TTLL5: variants seen among roughly 807,000 people sequenced by gnomAD.
TTLL5 encodes tubulin polyglutamylase TTLL5.
In TTLL5, 132 loss-of-function variants were observed where a neutral mutation model predicts 168.4. The ratio of observed to expected loss-of-function variants is 0.78; its 90% CI spans 0.68 to 0.91. The LOEUF (loss-of-function observed/expected upper bound fraction) is 0.91, where lower values mean the gene tolerates loss of function less well. TTLL5 is among the 40% of genes least tolerant of loss of function. The pLI, the probability that TTLL5 is intolerant of heterozygous loss-of-function variation, is 0.00. For synonymous variants in TTLL5, 546 were observed against 558.6 expected, an observed-to-expected ratio of 0.98 and a Z score of 0.32; for missense variants, 1,545 against 1,581.5, an observed-to-expected ratio of 0.98 and a Z score of 0.39.
intron 5 of TTLL5, among the ~76,000 whole-genome samples, chr14:75,688,112 C>T (rs1885203651): frequency 6.6e-6 from 1 of 152,164 alleles, no homozygotes; most frequent in African/African-American, 2.4e-5. Context: ...CTTTTATATA[C>T]TAATGACTTA....
chr14:75,949,984 TTATACTCC>T (rs1404248907), intron 31 of TTLL5, among the ~76,000 whole-genome samples: 9 of 152,214 alleles, frequency 5.9e-5, no homozygotes, highest in African/African-American at 1.9e-4. Context: ...AGAAGAACCC[TTATACTCC>T]TATAAAGAAT....
At chr14:75,734,377 T>C (rs917087888) in intron 14 of TTLL5, among the ~76,000 whole-genome samples, 2 of 152,200 alleles carry the variant, frequency 1.3e-5, no homozygotes, top group African/African-American at 4.8e-5. Flanking sequence ...CAAAGGAGAC[T>C]GGCTATATTT....
intron 28 of TTLL5, among the ~76,000 whole-genome samples, chr14:75,835,037 C>A (rs1895796075): frequency 6.6e-6 from 1 of 152,144 alleles, no homozygotes; most frequent in African/African-American, 2.4e-5. Flanking sequence ...CACTTAACTC[C>A]AACCTGGGCA....
intron 31 of TTLL5, chr14:75,906,703 T>G (rs563617378): frequency 1.0e-6 from 1 of 985,800 alleles, no homozygotes; most frequent in African/African-American, 1.7e-5. Flanking sequence ...AGAGCATATT[T>G]TTATCATTTT....
chr14:75,906,790 A>C, intron 31 of TTLL5: 1 of 937,032 alleles, frequency 1.1e-6, no homozygotes, highest in Non-Finnish European at 1.3e-6. Flanking sequence ...ATGACAGTGA[A>C]GTTGGGGCTT....
At chr14:75,859,068 T>C (rs1417913633) in intron 28 of TTLL5, among the ~76,000 whole-genome samples, 1 of 152,200 alleles carries the variant, frequency 6.6e-6, no homozygotes, top group Admixed American at 6.5e-5. Flanking sequence ...TTGGCTGGAC[T>C]TGGGTGGAGG....
rs3138589 is a variant in TTLL5, at chr14:75,869,013, AGTGTGTGT to A, written c.3522+5194_3522+5201del. Reference sequence around the variant, plus strand: ...TGGACTGGGGACATGAGAGGGGAGGAGTGTGTGTGTGTGTGTGTGTGTGTGTGTGTGTG... The same window carrying A: ...TGGACTGGGGACATGAGAGGGGAGGAGTGTGTGTGTGTGTGTGTGTGTGTG... On this transcript the variant is annotated intron_variant, in intron 29 of 31. Transcript: ENST00000298832. 1.8e-3 allele frequency among the ~76,000 whole-genome samples: 222 copies of A among 124,512 alleles called. 1 individual carries two copies. Among genetic ancestry groups the A allele is most frequent in the South Asian group, 0.016 (60 of 3,696 alleles). 81.7% of individuals were successfully genotyped at this position (124,512 alleles called of 152,430 possible). A position where few individuals can be genotyped will look rare whatever the true frequency, so the allele number is the denominator to read the frequency against.
intron 15 of TTLL5, among the ~76,000 whole-genome samples, chr14:75,743,821 TCTGC>T (rs1889429674): frequency 6.6e-6 from 1 of 152,028 alleles, no homozygotes; most frequent in Non-Finnish European, 1.5e-5. Flanking sequence ...GACCTTGTGA[TCTGC>T]CCACCTTGGC....
chr14:75,695,245 C>T (rs1176315576), intron 6 of TTLL5, among the ~76,000 whole-genome samples: 2 of 152,150 alleles, frequency 1.3e-5, no homozygotes, highest in Non-Finnish European at 2.9e-5. Flanking sequence ...TAAAATAAGC[C>T]CTGGTCTCCC....
At chr14:75,751,204 A>G (rs1014349187) in intron 17 of TTLL5, among the ~76,000 whole-genome samples, 5 of 152,158 alleles carry the variant, frequency 3.3e-5, no homozygotes, top group South Asian at 4.1e-4. Flanking sequence ...CACTTTTGCA[A>G]TCTGAGGTGT....
chr14:75,676,042 G>A (rs887686245), intron 3 of TTLL5, among the ~76,000 whole-genome samples: 1 of 152,154 alleles, frequency 6.6e-6, no homozygotes, highest in African/African-American at 2.4e-5. Context: ...CGAGGGCAGA[G>A]AAGGTCTGTG....
At chr14:75,702,196 G>GT (rs1221084489) in intron 7 of TTLL5, among the ~76,000 whole-genome samples, 1 of 152,232 alleles carries the variant, frequency 6.6e-6, no homozygotes, top group Non-Finnish European at 1.5e-5. Flanking sequence ...TGCAACTTCT[G>GT]TTACCTGGCC....
At position 75,717,970 on chromosome 14, in the gene TTLL5, C is replaced by T; in HGVS notation, c.842+8C>T. ...AAGTGGAGATTACGTCAGGTACTGG[C>T]TGTGTCTGAGCCAGAAGTCAGAGGT... On this transcript the variant is annotated splice_region_variant and intron_variant, in intron 10 of 31. Transcript: ENST00000298832. 1 of 1,612,176 alleles carries T rather than the reference C, an allele frequency of 6.2e-7. No individual in the cohort carries two copies. Among genetic ancestry groups the T allele is most frequent in the African/African-American group, 1.3e-5 (1 of 75,002 alleles).
chr14:75,856,129 G>A (rs973738229), intron 28 of TTLL5, among the ~76,000 whole-genome samples: 2 of 152,204 alleles, frequency 1.3e-5, no homozygotes, highest in Admixed American at 6.5e-5. Context: ...TTGGGAGGCC[G>A]AGGCGGGCTG....
intron 28 of TTLL5, among the ~76,000 whole-genome samples, chr14:75,849,124 C>G (rs564758103): frequency 6.6e-6 from 1 of 152,302 alleles, no homozygotes; most frequent in Admixed American, 6.5e-5. Context: ...ATGTAATTGT[C>G]ACACAGTTAT....
chr14:75,944,574 G>A (rs1319667945), intron 31 of TTLL5, among the ~76,000 whole-genome samples: 1 of 152,136 alleles, frequency 6.6e-6, no homozygotes, highest in African/African-American at 2.4e-5. Context: ...CAAAGAATTG[G>A]GATCTTGGAC....
At chr14:75,758,009 A>G (rs2140284163) in intron 18 of TTLL5, 1 of 847,134 alleles carries the variant, frequency 1.2e-6, no homozygotes, top group African/African-American at 1.7e-5. Context: ...TCTATTGAAA[A>G]AGTGTTTTGT....
At chr14:75,901,687 CAT>C (rs768304203) in intron 30 of TTLL5, among the ~76,000 whole-genome samples, 3 of 152,204 alleles carry the variant, frequency 2.0e-5, no homozygotes, top group Non-Finnish European at 4.4e-5. Context: ...TCAGGGGACA[CAT>C]AATCTCTCCT....
At position 75,836,886 on chromosome 14, in the gene TTLL5, A is replaced by G. The variant is rs548010543; in HGVS notation, c.3326+16725A>G. ...ATGCCCTAAATTGTGCTGTGTTAGG[A>G]GAGCAGGCCACTATGACATGATAAT... On this transcript the variant is annotated intron_variant, in intron 28 of 31. Transcript: ENST00000298832. Among the ~76,000 whole-genome samples the G allele has an allele frequency of 5.9e-5, 9 of 152,322 alleles. 1 individual carries two copies. In the South Asian group the frequency reaches 1.7e-3, roughly 28 times the overall value.
Sources: gnomAD v4.1 joint callset for allele counts (sites outside exome capture counted in the v4.1 genomes callset) on GRCh38, gnomAD v4.1.1 for gene constraint, MANE v1.5 for transcripts, NCBI Gene and HGNC (gene_info 2026-07-23, HGNC 2026-07-21) for gene names.